EXOC6: variants seen among roughly 807,000 people sequenced by gnomAD.
The protein encoded by EXOC6 is exocyst complex component 6, also known as SEC15-like 1.
Under a neutral mutation model 112.5 loss-of-function variants are expected in EXOC6, and 60 were observed. The observed-to-expected ratio is 0.53, with a 90% confidence interval of 0.43 to 0.66. The LOEUF is 0.66. EXOC6 is among the 30% of genes least tolerant of loss of function. The pLI, the probability that EXOC6 is intolerant of heterozygous loss-of-function variation, is 0.00. For missense variants in EXOC6, 855 were observed against 957.1 expected (o/e 0.89, Z 1.41); for synonymous variants, 295 against 308.0 (o/e 0.96, Z 0.44).
At chr10:92,945,334 A>G (rs919705397) in intron 13 of EXOC6, among the ~76,000 whole-genome samples, 1 of 152,150 alleles carries the variant, frequency 6.6e-6, no homozygotes, top group Non-Finnish European at 1.5e-5. Context: ...TTGCCTCTTC[A>G]TTCTGTTGTT....
chr10:92,934,224 T>A, intron 10 of EXOC6, 34 bp downstream of exon 10: 1 of 1,526,864 alleles, frequency 6.5e-7, no homozygotes, highest in East Asian at 2.3e-5. Flanking sequence ...CTATTATTAA[T>A]TTTATATTAT....
chr10:92,962,358 ATAATG>A (rs1238017601), intron 17 of EXOC6, among the ~76,000 whole-genome samples: 1 of 152,104 alleles, frequency 6.6e-6, no homozygotes, highest in Non-Finnish European at 1.5e-5. Context: ...AAATGTATAT[ATAATG>A]TAATGTAAAA....
chr10:92,947,057 A>G (rs1460732142), intron 13 of EXOC6, among the ~76,000 whole-genome samples: 2 of 152,218 alleles, frequency 1.3e-5, no homozygotes, highest in Non-Finnish European at 2.9e-5. Flanking sequence ...AGCCTAGCAC[A>G]TAATAGGTGC....
At chr10:93,013,504 A>T (rs1312752958) in intron 19 of EXOC6, among the ~76,000 whole-genome samples, 1 of 152,194 alleles carries the variant, frequency 6.6e-6, no homozygotes, top group Non-Finnish European at 1.5e-5. Context: ...GCTACTCGGG[A>T]GGCTGAGATA....
intron 6 of EXOC6, among the ~76,000 whole-genome samples, chr10:92,912,453 AT>A (rs1265770031): frequency 6.6e-6 from 1 of 152,112 alleles, no homozygotes; most frequent in East Asian, 1.9e-4. Context: ...ATATACCAGC[AT>A]TTATTATTAA....
rs369144874 is a variant in EXOC6, at chr10:92,974,134, G to A, written c.1855G>A (p.Asp619Asn). ...IDEFVQLADYDWTMSEPDGRA... is the reference protein window; with the variant it reads ...IDEFVQLADYNWTMSEPDGRA... Reference sequence around the variant, plus strand: ...TGAATTTGTTCAGCTTGCTGATTATGACTGGACAATGTCTGAGCCAGATGG... The same window carrying A: ...TGAATTTGTTCAGCTTGCTGATTATAACTGGACAATGTCTGAGCCAGATGG... The change falls in exon 18 of 22, where the codon GAC (aspartate) becomes AAC (asparagine). Residue 619 changes from aspartate (D) to asparagine (N), a missense_variant. Asp to Asn is a conservative substitution (Grantham distance 23). This residue lies in a region of EXOC6 where 450 missense variants were observed against 563.5 expected (regional missense o/e 0.80). Transcript: ENST00000260762. 14 of 1,603,774 alleles carry A rather than the reference G, an allele frequency of 8.7e-6. No homozygotes were observed. In the African/African-American group the frequency reaches 1.6e-4, roughly 18 times the overall value.
intron 1 of EXOC6, among the ~76,000 whole-genome samples, chr10:92,871,517 A>AG (rs1848444042): frequency 6.6e-6 from 1 of 151,224 alleles, no homozygotes; most frequent in Non-Finnish European, 1.5e-5. Flanking sequence ...AAAAAAAAAA[A>AG]AATCATAGGC....
At chr10:92,949,863 T>C (rs945867305) in intron 14 of EXOC6, among the ~76,000 whole-genome samples, 2 of 152,150 alleles carry the variant, frequency 1.3e-5, no homozygotes, top group Non-Finnish European at 2.9e-5. Flanking sequence ...CACAAAGTGC[T>C]GGGATTACAG....
chr10:92,864,609 G>C (rs1401832906), intron 1 of EXOC6, among the ~76,000 whole-genome samples: 1 of 152,144 alleles, frequency 6.6e-6, no homozygotes, highest in African/African-American at 2.4e-5. Context: ...GAGTAAAGAA[G>C]GTCTGCCATC....
intron 13 of EXOC6, among the ~76,000 whole-genome samples, chr10:92,944,279 C>T (rs935784420): frequency 1.3e-5 from 2 of 151,900 alleles, no homozygotes; most frequent in African/African-American, 4.8e-5. Flanking sequence ...CTCTATCACC[C>T]AGGCTGGAGT....
intron 18 of EXOC6, among the ~76,000 whole-genome samples, chr10:92,992,309 A>AAG (rs1554913348): frequency 4.0e-5 from 6 of 151,606 alleles, no homozygotes; most frequent in African/African-American, 1.5e-4. Context: ...AAAAAAAAAA[A>AAG]AAATTTGTCT....
Position 92,934,367 on chromosome 10 carries a change from A to G in EXOC6, c.1077A>G (p.Ala359=). The G allele has an allele frequency of 6.2e-7, 1 of 1,606,730 alleles. No homozygotes were observed. The highest frequency in any genetic ancestry group is 8.5e-7 in the Non-Finnish European group (1 of 1,176,962). The change falls in exon 11 of 22, where the codon GCA becomes GCG. Residue 359 remains alanine, a synonymous_variant. Transcript: ENST00000260762. ...LHVTQGLVTR[A]YTDELWNMAL... is the part of the protein sequence containing the mutation. ...TGACCCAAGGATTAGTAACCAGGGC[A>G]TACACTGATGAACTTTGGAACATGG...
chr10:92,935,582 T>TA (rs1852294392), intron 11 of EXOC6, among the ~76,000 whole-genome samples: 1 of 152,134 alleles, frequency 6.6e-6, no homozygotes, highest in Non-Finnish European at 1.5e-5. Context: ...CCTTAAAATC[T>TA]AAAAACTTTT....
intron 12 of EXOC6, 34 bp downstream of exon 12, chr10:92,935,919 G>T: frequency 1.5e-6 from 2 of 1,366,340 alleles, no homozygotes; most frequent in South Asian, 1.2e-5. Flanking sequence ...TGGTTATTCT[G>T]ATCACTTAAA....
chr10:92,846,511 A>G (rs1334007150), upstream of EXOC6, among the ~76,000 whole-genome samples: 1 of 152,206 alleles, frequency 6.6e-6, no homozygotes, highest in Non-Finnish European at 1.5e-5. Flanking sequence ...GAGAGGGGAA[A>G]ATAACCTTTT....
At chr10:92,829,353 G>A (rs1047721550) in intron 1 of EXOC6, among the ~76,000 whole-genome samples, 5 of 152,098 alleles carry the variant, frequency 3.3e-5, no homozygotes, top group Non-Finnish European at 1.5e-5. Context: ...AGTCCCATTC[G>A]GGCGCCCCTC....
intron 20 of EXOC6, among the ~76,000 whole-genome samples, chr10:93,032,322 C>T (rs545850003): frequency 3.2e-4 from 49 of 152,192 alleles, no homozygotes; most frequent in African/African-American, 1.1e-3. Context: ...GGCAACAGAG[C>T]GAGGGTCACA....
At chr10:92,918,676 G>A (rs1851255574) in intron 7 of EXOC6, among the ~76,000 whole-genome samples, 1 of 152,008 alleles carries the variant, frequency 6.6e-6, no homozygotes, top group Non-Finnish European at 1.5e-5. Context: ...CTTCTGCTTT[G>A]GCCTCCTAAA....
Position 93,008,067 on chromosome 10 carries a change from G to GGA in EXOC6, c.2096-6125_2096-6124dup, listed in dbSNP as rs558223686. Among the ~76,000 whole-genome samples, 13 of 152,224 alleles carry GGA rather than the reference G, an allele frequency of 8.5e-5. No homozygotes were observed. The South Asian group carries it at 2.7e-3, about 32-fold the overall frequency. On this transcript the variant is annotated intron_variant, in intron 19 of 21. Coordinates refer to ENST00000260762, the MANE Select transcript of EXOC6 (RefSeq NM_019053.6). ...GCATGCCTGTAATCAAAGCTACTCAGGAGGCTGAGGCAGGAGAATCTCGCT... is the reference window on the plus strand; with the variant it reads ...GCATGCCTGTAATCAAAGCTACTCAGGAGAGGCTGAGGCAGGAGAATCTCGCT...
Sources: allele counts gnomAD v4.1 joint callset (sites outside exome capture counted in the v4.1 genomes callset), GRCh38; gene constraint gnomAD v4.1.1; regional missense constraint gnomAD v4.1.1; transcripts MANE v1.5; gene names NCBI Gene and HGNC (gene_info 2026-07-23, HGNC 2026-07-21).